AARS1: variants seen among roughly 807,000 people sequenced by gnomAD.
AARS1 encodes the protein alanine--tRNA ligase, cytoplasmic.
A neutral mutation model predicts 108.9 loss-of-function variants in AARS1; 72 were observed. That is an observed-to-expected ratio of 0.66 (90% CI 0.55 to 0.80). The LOEUF is 0.80. Among genes scored for constraint, AARS1 ranks in the 30% least tolerant of loss-of-function variants. The probability of loss-of-function intolerance (pLI) is 0.00; values close to 1 mark genes in which losing one functional copy is unlikely to be tolerated. For missense variants in AARS1, 1,193 were observed against 1,233.2 expected (o/e 0.97, Z 0.49); for synonymous variants, 489 against 465.7 (o/e 1.05, Z -0.64).
intron 2 of AARS1, among the ~76,000 whole-genome samples, chr16:70,278,789 C>A (rs1219746049): frequency 1.3e-5 from 2 of 151,652 alleles, no homozygotes; most frequent in Non-Finnish European, 2.9e-5. Flanking sequence ...TGCCTAATAT[C>A]ATTTCAAATT....
rs1959932678 is a variant in AARS1, at chr16:70,254,646, T to C, written c.2375A>G (p.Gln792Arg). 6.2e-7 allele frequency: 1 copy of C among 1,614,072 alleles called. No homozygotes were observed. Residue 792 changes from glutamine (Q) to arginine (R), a missense_variant, in exon 17 of 21, where the codon CAG becomes CGG. By Grantham distance (43) the Gln-to-Arg change is conservative. Coordinates refer to ENST00000261772, the MANE Select transcript of AARS1 (RefSeq NM_001605.3). ...KAQTAPNKDV[Q>R]REIADLGEAL... Reference sequence around the variant, plus strand: ...CTCTCCAAGGTCAGCGATCTCCCTCTGCACATCCTTGTTTGGAGCAGTCTG... The same window carrying C: ...CTCTCCAAGGTCAGCGATCTCCCTCCGCACATCCTTGTTTGGAGCAGTCTG...
In AARS1 at chr16:70,280,172, C is replaced by T. The variant is rs1354860187; in HGVS notation, c.144+2448G>A. 2.6e-5 allele frequency among the ~76,000 whole-genome samples: 4 copies of T among 152,296 alleles called. No individual in the cohort carries two copies. The East Asian group carries it at 7.7e-4, about 29-fold the overall frequency. On this transcript the variant is annotated intron_variant, in intron 2 of 20. Coordinates refer to ENST00000261772, the MANE Select transcript of AARS1 (RefSeq NM_001605.3). ...GCTCAAGCAATCCTCTTACTTTGGC[C>T]TCCCAAAATGCTGGAATTACAGGCA...
intron 5 of AARS1, among the ~76,000 whole-genome samples, chr16:70,270,564 C>G (rs545221307): frequency 6.6e-6 from 1 of 151,966 alleles, no homozygotes; most frequent in South Asian, 2.1e-4. Flanking sequence ...AAAGGCCAGG[C>G]GCAGTGGCTC....
Position 70,257,589 on chromosome 16 carries a change from G to A in AARS1, c.2177+444C>T, listed in dbSNP as rs1286448833. ...GCTGAGTCAACCACGTGGCCTGCTC[G>A]GGGGCTCTGAGACAATGGAGCTACA... On this transcript the variant is annotated intron_variant, in intron 15 of 20. Coordinates refer to ENST00000261772, the MANE Select transcript of AARS1 (RefSeq NM_001605.3). Among the ~76,000 whole-genome samples, 9 of 152,106 alleles carry A rather than the reference G, an allele frequency of 5.9e-5. No homozygotes were observed. The South Asian group carries it at 6.2e-4, about 10-fold the overall frequency.
chr16:70,275,936 C>CAAAAAAAAAAAAAAA lies in AARS1; in HGVS notation c.479+535_479+549dup, dbSNP rs59002209. The CAAAAAAAAAAAAAAA allele has an allele frequency of 4.7e-4, 18 of 37,924 alleles. 1 individual carries two copies. The highest frequency in any genetic ancestry group is 1.8e-3 in the African/African-American group (17 of 9,422). 2.3% of individuals were successfully genotyped at this position (37,924 alleles called of 1,614,324 possible). A position where few individuals can be genotyped will look rare whatever the true frequency, so the allele number is the denominator to read the frequency against. On this transcript the variant is annotated intron_variant, in intron 4 of 20. Transcript: ENST00000261772. ...TGGGAGACAGAGCAAGACTCCATCT[C>CAAAAAAAAAAAAAAA]AAAAAAAAAAAAAAAAAAAAAAAAA...
Position 70,255,792 on chromosome 16 carries a change from G to A in AARS1, c.2222C>T (p.Thr741Met), listed in dbSNP as rs148383122. 225 of 1,614,150 alleles carry A rather than the reference G, an allele frequency of 1.4e-4. 1 individual carries two copies. Among genetic ancestry groups the A allele is most frequent in the African/African-American group, 7.5e-4 (56 of 75,052 alleles). The stretch of plus-strand genomic sequence containing the variant: ...GATACCCTTGGCAATGGCTTCTTCC[G>A]TCACGATCACAAAAGCTCCTGCATG... ...SSHAGAFVIV[T>M]EEAIAKGIRR... Residue 741 changes from threonine to methionine, a missense_variant, in exon 16 of 21, where the codon ACG becomes ATG. Physicochemically the swap from Thr to Met is moderately conservative, Grantham distance 81 (BLOSUM62 -1). Transcript: ENST00000261772.
Position 70,265,040 on chromosome 16 carries a change from G to C in AARS1, c.1410C>G (p.Ile470Met), listed in dbSNP as rs79785372. ...EDLIMLDIYA[I>M]EELRARGLEV... ...CCAGACCCCGTGCCCGGAGCTCTTCGATAGCGTAAATGTCCAGCATAATGA... is the reference window on the plus strand; with the variant it reads ...CCAGACCCCGTGCCCGGAGCTCTTCCATAGCGTAAATGTCCAGCATAATGA... The change falls in exon 11 of 21, where the codon ATC (isoleucine) becomes ATG (methionine). Residue 470 changes from isoleucine (I) to methionine (M), a missense_variant. Coordinates refer to ENST00000261772, the MANE Select transcript of AARS1 (RefSeq NM_001605.3). 6.8e-6 allele frequency: 11 copies of C among 1,614,002 alleles called. No homozygotes were observed. The highest frequency in any genetic ancestry group is 9.3e-6 in the Non-Finnish European group (11 of 1,180,034).
chr16:70,253,410 G>A (rs1959895446), intron 19 of AARS1, 29 bp from the exon 20 acceptor site: 3 of 1,553,944 alleles, frequency 1.9e-6, no homozygotes, highest in African/African-American at 1.4e-5. Context: ...TCAGGCCACG[G>A]TGCTGGAGCA....
intron 1 of AARS1, among the ~76,000 whole-genome samples, chr16:70,286,783 T>G (rs934370682): frequency 6.6e-6 from 1 of 151,222 alleles, no homozygotes; most frequent in Non-Finnish European, 1.5e-5. Flanking sequence ...AGGCAGAGGT[T>G]GCAATGAGCC....
At chr16:70,284,926 A>G (rs1404734834) in intron 1 of AARS1, among the ~76,000 whole-genome samples, 7 of 152,148 alleles carry the variant, frequency 4.6e-5, no homozygotes, top group Admixed American at 3.9e-4. Flanking sequence ...TTTGGAAGCA[A>G]TCTATAAAAT....
intron 3 of AARS1, 26 bp from the exon 4 acceptor site, chr16:70,276,657 A>T: frequency 6.2e-7 from 1 of 1,613,178 alleles, no homozygotes; most frequent in South Asian, 1.1e-5. Flanking sequence ...AGAGAAAGAT[A>T]TGGAACATTG....
At chr16:70,287,009 T>G (rs546522730) in intron 1 of AARS1, among the ~76,000 whole-genome samples, 2 of 151,236 alleles carry the variant, frequency 1.3e-5, no homozygotes, top group South Asian at 4.2e-4. Flanking sequence ...CCCAGCACTT[T>G]GGGAGGCCGA....
intron 2 of AARS1, among the ~76,000 whole-genome samples, chr16:70,278,419 G>C (rs943379416): frequency 7.9e-5 from 12 of 151,746 alleles, no homozygotes; most frequent in African/African-American, 2.9e-4. Flanking sequence ...TGCAAAATTA[G>C]CCAGCCATGG....
At chr16:70,266,834 T>C (rs1043895629) in intron 9 of AARS1, among the ~76,000 whole-genome samples, 2 of 151,216 alleles carry the variant, frequency 1.3e-5, no homozygotes, top group Non-Finnish European at 2.9e-5. Flanking sequence ...ACACATCTAT[T>C]TCTTTTTCTT....
intron 1 of AARS1, among the ~76,000 whole-genome samples, chr16:70,288,401 G>T (rs955549858): frequency 6.6e-6 from 1 of 151,508 alleles, no homozygotes; most frequent in Non-Finnish European, 1.5e-5. Context: ...GAGCCACCGC[G>T]CCCGGCCGCC....
chr16:70,288,876 T>C (rs1960947995), intron 1 of AARS1, among the ~76,000 whole-genome samples: 1 of 152,126 alleles, frequency 6.6e-6, no homozygotes, highest in Admixed American at 6.6e-5. Context: ...CCTGGGCTAT[T>C]ACAGCACATC....
At chr16:70,277,978 C>G (rs928916659) in intron 2 of AARS1, among the ~76,000 whole-genome samples, 1 of 151,958 alleles carries the variant, frequency 6.6e-6, no homozygotes, top group African/African-American at 2.4e-5. Context: ...GTCTCGAACA[C>G]CTAACCCCAA....
Position 70,252,715 on chromosome 16 carries a change from C to T in AARS1, c.*6G>A, listed in dbSNP as rs764399672. The T allele has an allele frequency of 6.2e-7, 1 of 1,613,706 alleles. No individual in the cohort carries two copies. The highest frequency in any genetic ancestry group is 2.2e-5 in the East Asian group (1 of 44,892). ...TGGATCCAGTGGGAGCCTCCTCCTTCCCCACTCAGTTCTTTACATCCCCGA... is the reference window on the plus strand; with the variant it reads ...TGGATCCAGTGGGAGCCTCCTCCTTTCCCACTCAGTTCTTTACATCCCCGA... On this transcript the variant is annotated 3_prime_UTR_variant, in exon 21 of 21. Coordinates refer to ENST00000261772, the MANE Select transcript of AARS1 (RefSeq NM_001605.3).
chr16:70,288,897 A>T (rs1960948609), intron 1 of AARS1, among the ~76,000 whole-genome samples: 1 of 152,108 alleles, frequency 6.6e-6, no homozygotes, highest in African/African-American at 2.4e-5. Context: ...CTCAGCATCT[A>T]GTACAGTGGC....
Sources: allele counts gnomAD v4.1 joint callset (sites outside exome capture counted in the v4.1 genomes callset), GRCh38; gene constraint gnomAD v4.1.1; transcripts MANE v1.5; gene names NCBI Gene and HGNC (gene_info 2026-07-23, HGNC 2026-07-21).